The following SERTM1 variants were observed in gnomAD, a reference collection of about 807,000 sequenced individuals.
The protein encoded by SERTM1 is serine-rich and transmembrane domain-containing protein 1.
SERTM1 carries 1 observed loss-of-function variant against 5.5 expected under a neutral mutation model. The ratio of observed to expected loss-of-function variants is 0.18; its 90% CI spans 0.06 to 0.86. The LOEUF is 0.86. SERTM1 is among the 40% of genes least tolerant of loss of function. The pLI, the probability that SERTM1 is intolerant of heterozygous loss-of-function variation, is 0.69. For synonymous variants in SERTM1, 52 were observed against 55.1 expected, an observed-to-expected ratio of 0.94 and a Z score of 0.25; for missense variants, 91 against 122.4, an observed-to-expected ratio of 0.74 and a Z score of 1.21.
intron 1 of SERTM1, among the ~76,000 whole-genome samples, chr13:36,675,970 C>T (rs2056667272): frequency 6.6e-6 from 1 of 152,138 alleles, no homozygotes; most frequent in Non-Finnish European, 1.5e-5. Context: ...TTATTGTTCT[C>T]ATTAAAGAAA....
At position 36,696,610 on chromosome 13, in the gene SERTM1, G is replaced by T. The variant is rs944224251; in HGVS notation, c.*1208G>T. 9 of 166,968 alleles carry T rather than the reference G, an allele frequency of 5.4e-5. No individual in the cohort carries two copies. The highest frequency in any genetic ancestry group is 2.2e-4 in the African/African-American group (9 of 41,448). 10.3% of individuals were successfully genotyped at this position (166,968 alleles called of 1,614,324 possible). On this transcript the variant is annotated 3_prime_UTR_variant, in exon 2 of 2. Transcript: ENST00000315190. ...CAGCAGAGTATGTCTGAACTCGGCG[G>T]GCGGGTGGCAGGGGCTGTCTGTGAA...
intron 1 of SERTM1, among the ~76,000 whole-genome samples, chr13:36,677,919 A>T (rs1452617420): frequency 6.6e-6 from 1 of 152,196 alleles, no homozygotes; most frequent in African/African-American, 2.4e-5. Flanking sequence ...TGCTACCTCC[A>T]AGTACATTTA....
At chr13:36,691,926 G>A (rs953379444) in intron 1 of SERTM1, among the ~76,000 whole-genome samples, 1 of 152,170 alleles carries the variant, frequency 6.6e-6, no homozygotes, top group African/African-American at 2.4e-5. Context: ...AAACCAAAGA[G>A]AAAGAAGATA....
At chr13:36,690,834 T>C (rs2056773320) in intron 1 of SERTM1, among the ~76,000 whole-genome samples, 1 of 152,208 alleles carries the variant, frequency 6.6e-6, no homozygotes, top group African/African-American at 2.4e-5. Context: ...GTGGCCACTT[T>C]CCTCATGGTT....
chr13:36,677,781 C>T (rs1235759585), intron 1 of SERTM1, among the ~76,000 whole-genome samples: 1 of 152,210 alleles, frequency 6.6e-6, no homozygotes, highest in Non-Finnish European at 1.5e-5. Context: ...GGTAATCTAT[C>T]AACTGTTGCC....
At chr13:36,688,509 A>C (rs9547644) in intron 1 of SERTM1, among the ~76,000 whole-genome samples, 18,854 of 152,192 alleles carry the variant, frequency 0.12, 1,294 homozygotes, top group East Asian at 0.3. Flanking sequence ...CACCATGCCC[A>C]GCCTGAGAAT....
chr13:36,676,441 G>A (rs1361118177), intron 1 of SERTM1, among the ~76,000 whole-genome samples: 1 of 151,872 alleles, frequency 6.6e-6, no homozygotes, highest in Non-Finnish European at 1.5e-5. Context: ...TGTACAGTTT[G>A]TACGAGCATT....
At chr13:36,674,403 G>A (rs2056656972) in intron 1 of SERTM1, among the ~76,000 whole-genome samples, 1 of 152,022 alleles carries the variant, frequency 6.6e-6, no homozygotes, top group Non-Finnish European at 1.5e-5. Context: ...AGAAGCAATC[G>A]CAGCCCGGCT....
At chr13:36,684,663 G>T (rs1334969038) in intron 1 of SERTM1, among the ~76,000 whole-genome samples, 1 of 151,680 alleles carries the variant, frequency 6.6e-6, no homozygotes, top group Admixed American at 6.6e-5. Flanking sequence ...ATGTGTCTCT[G>T]CATCCCAGCT....
chr13:36,688,214 C>T (rs1429073621), intron 1 of SERTM1, among the ~76,000 whole-genome samples: 1 of 151,570 alleles, frequency 6.6e-6, no homozygotes, highest in African/African-American at 2.4e-5. Context: ...TATTTTATTT[C>T]ATGTATTTTT....
chr13:36,692,311 G>A (rs1056528530), intron 1 of SERTM1, among the ~76,000 whole-genome samples: 3 of 152,204 alleles, frequency 2.0e-5, no homozygotes, highest in Non-Finnish European at 2.9e-5. Flanking sequence ...CAATCTTCTG[G>A]AAGTAAAAAC....
intron 1 of SERTM1, among the ~76,000 whole-genome samples, chr13:36,678,696 A>ATATATATATAT (rs1566226327): frequency 2.5e-5 from 3 of 118,558 alleles, no homozygotes; most frequent in African/African-American, 9.4e-5. Context: ...TATATATATA[A>ATATATATATAT]AATATAGTCC....
At chr13:36,686,789 T>A (rs948238473) in intron 1 of SERTM1, among the ~76,000 whole-genome samples, 2 of 152,196 alleles carry the variant, frequency 1.3e-5, no homozygotes, top group Admixed American at 6.5e-5. Context: ...CTGGTTTTTT[T>A]AATTGATCCA....
chr13:36,690,923 C>T (rs116643306), intron 1 of SERTM1, among the ~76,000 whole-genome samples: 2,040 of 152,290 alleles, frequency 0.013, 48 homozygotes, highest in African/African-American at 0.047. Context: ...ACAGCCAGGC[C>T]ACTCTTTAAA....
At chr13:36,679,359 C>G (rs995207825) in intron 1 of SERTM1, among the ~76,000 whole-genome samples, 12 of 152,156 alleles carry the variant, frequency 7.9e-5, no homozygotes, top group African/African-American at 2.9e-4. Flanking sequence ...TGAGATGCAA[C>G]TGTACTGCTT....
At position 36,696,981 on chromosome 13, in the gene SERTM1, C is replaced by T. The variant is rs1454686436; in HGVS notation, c.*1579C>T. On this transcript the variant is annotated 3_prime_UTR_variant, in exon 2 of 2. Transcript: ENST00000315190. ...TTGTACAGGGTTTATCTTTATCATA[C>T]TAAAATGCTGAGTGAGTGGAGGTCT... The T allele has an allele frequency of 6.0e-6, 1 of 167,086 alleles. No homozygotes were observed. The highest frequency in any genetic ancestry group is 1.5e-5 in the Non-Finnish European group (1 of 68,084). The allele number at this position is 167,086 out of a possible 1,614,324, so 10.4% of individuals were successfully genotyped here.
chr13:36,678,626 A>G lies in SERTM1; in HGVS notation c.-174+4442A>G, dbSNP rs546704855. 8.0e-5 allele frequency among the ~76,000 whole-genome samples: 12 copies of G among 150,116 alleles called. No homozygotes were observed. In the South Asian group the frequency reaches 2.3e-3, roughly 29 times the overall value. On this transcript the variant is annotated intron_variant, in intron 1 of 1. Transcript: ENST00000315190. Reference sequence around the variant, plus strand: ...CACCATGGCACATGTTTACTTATGTAACAAACCTACACGTCCTGCACATGT... The same window carrying G: ...CACCATGGCACATGTTTACTTATGTGACAAACCTACACGTCCTGCACATGT...
At chr13:36,686,381 CA>C (rs2138091433) in intron 1 of SERTM1, among the ~76,000 whole-genome samples, 1 of 152,226 alleles carries the variant, frequency 6.6e-6, no homozygotes, top group East Asian at 1.9e-4. Context: ...CATATTTTTC[CA>C]AGCATATTTT....
chr13:36,693,545 C>A lies in SERTM1; in HGVS notation c.-173-1361C>A, dbSNP rs149514265. 3.5e-3 allele frequency among the ~76,000 whole-genome samples: 531 copies of A among 152,262 alleles called. 15 individuals are homozygous for A. The highest frequency in any genetic ancestry group is 0.033 in the Admixed American group (500 of 15,294). On this transcript the variant is annotated intron_variant, in intron 1 of 1. Coordinates refer to ENST00000315190, the MANE Select transcript of SERTM1 (RefSeq NM_203451.3). Reference sequence around the variant, plus strand: ...TAGCCTACTCAAGAACTCACTAGGACTCATTAGACTGCCTGTCACCCAACA... The same window carrying A: ...TAGCCTACTCAAGAACTCACTAGGAATCATTAGACTGCCTGTCACCCAACA...
Sources: allele counts gnomAD v4.1 joint callset (sites outside exome capture counted in the v4.1 genomes callset), GRCh38; gene constraint gnomAD v4.1.1; transcripts MANE v1.5; gene names NCBI Gene and HGNC (gene_info 2026-07-23, HGNC 2026-07-21).